The following MYLK variants were observed in gnomAD, a reference collection of about 807,000 sequenced individuals.
The protein encoded by MYLK is myosin light chain kinase.
In MYLK, 106 loss-of-function variants were observed where a neutral mutation model predicts 203.4. The observed-to-expected ratio is 0.52, with a 90% CI of 0.45 to 0.61. The LOEUF (loss-of-function observed/expected upper bound fraction) is 0.61. MYLK is among the 20% of genes least tolerant of loss of function. MYLK has a pLI of 0.00. For synonymous variants in MYLK, 867 were observed against 959.5 expected, an observed-to-expected ratio of 0.90 and a Z score of 1.78; for missense variants, 2,072 against 2,442.3, an observed-to-expected ratio of 0.85 and a Z score of 3.20.
intron 3 of MYLK, among the ~76,000 whole-genome samples, chr3:123,827,746 TATAA>T (rs1382126076): frequency 2.7e-5 from 2 of 74,580 alleles, no homozygotes; most frequent in Admixed American, 2.8e-4. Context: ...TATATATATA[TATAA>T]AGACTCTACC....
intron 19 of MYLK, among the ~76,000 whole-genome samples, chr3:123,683,276 G>C (rs869269): frequency 0.087 from 12,141 of 140,136 alleles, 1,545 homozygotes; most frequent in African/African-American, 0.28. Context: ...CCTGAGGAGA[G>C]GAAGCTAAGT....
chr3:123,757,630 G>A (rs1306107242), intron 4 of MYLK, among the ~76,000 whole-genome samples: 1 of 152,200 alleles, frequency 6.6e-6, no homozygotes, highest in Non-Finnish European at 1.5e-5. Flanking sequence ...GAAGATATGA[G>A]CAGTGAGCTG....
chr3:123,823,963 TTTTA>T (rs1331617815), intron 3 of MYLK, among the ~76,000 whole-genome samples: 1 of 152,212 alleles, frequency 6.6e-6, no homozygotes, highest in African/African-American at 2.4e-5. Context: ...CCCTCCTTTA[TTTTA>T]TTGTTTTCTG....
intron 4 of MYLK, among the ~76,000 whole-genome samples, chr3:123,778,614 C>T (rs551759428): frequency 6.6e-6 from 1 of 152,244 alleles, no homozygotes; most frequent in African/African-American, 2.4e-5. Context: ...TTGTCAGACC[C>T]GCCACCCTCA....
chr3:123,711,090 C>CA (rs1281596256), intron 13 of MYLK, among the ~76,000 whole-genome samples: 1,648 of 134,492 alleles, frequency 0.012, 24 homozygotes, highest in African/African-American at 0.032. Context: ...GATTCTGTCT[C>CA]AAAAAAAAAA....
chr3:123,733,031 T>A lies in MYLK; in HGVS notation c.1381A>T (p.Ile461Phe), dbSNP rs369105428. The change falls in exon 11 of 34, where the codon ATT becomes TTT. Residue 461 changes from isoleucine (I) to phenylalanine (F), a missense_variant. This residue lies in a region of MYLK where 683 missense variants were observed against 643.8 expected (regional missense o/e 1.06). Coordinates refer to ENST00000360304, the MANE Select transcript of MYLK (RefSeq NM_053025.4). ...GAGCCAGCATCTTCATAAACCTCAA[T>A]GCTGCCTTCCTGTCTCCTCACGGGG... is the stretch of plus-strand genomic sequence containing the variant. ...GTPVRRQEGSIEVYEDAGSHY... is the reference protein window; with the variant it reads ...GTPVRRQEGSFEVYEDAGSHY... 1 of 1,614,046 alleles carries A rather than the reference T, an allele frequency of 6.2e-7. No individual in the cohort carries two copies. The highest frequency in any genetic ancestry group is 8.5e-7 in the Non-Finnish European group (1 of 1,180,022).
intron 2 of MYLK, among the ~76,000 whole-genome samples, chr3:123,846,446 T>C (rs531257139): frequency 5.9e-5 from 9 of 152,344 alleles, no homozygotes; most frequent in Admixed American, 3.3e-4. Context: ...TACTGCTATA[T>C]ATAGTATGCA....
intron 3 of MYLK, among the ~76,000 whole-genome samples, chr3:123,827,710 T>G (rs2066171571): frequency 1.6e-5 from 1 of 61,310 alleles, no homozygotes; most frequent in African/African-American, 7.8e-5. Context: ...TATATATATA[T>G]ATATATATAT....
intron 25 of MYLK, 33 bp from the exon 26 acceptor site, chr3:123,649,097 T>A (rs772918744): frequency 1.2e-6 from 2 of 1,613,988 alleles, no homozygotes; most frequent in East Asian, 4.5e-5. Flanking sequence ...GGTGTGAGTC[T>A]CAGATGCCCC....
chr3:123,763,151 C>T (rs2063588689), intron 4 of MYLK, among the ~76,000 whole-genome samples: 1 of 152,142 alleles, frequency 6.6e-6, no homozygotes, highest in Non-Finnish European at 1.5e-5. Context: ...TTTTATTTTT[C>T]CTGGAGTTAA....
At chr3:123,768,573 A>G (rs1013097789) in intron 4 of MYLK, among the ~76,000 whole-genome samples, 1 of 152,172 alleles carries the variant, frequency 6.6e-6, no homozygotes, top group Non-Finnish European at 1.5e-5. Context: ...CTCTAAATAC[A>G]CCTAGAGATT....
chr3:123,672,915 T>TCCCTC (rs1467796035), intron 20 of MYLK, among the ~76,000 whole-genome samples: 3 of 152,188 alleles, frequency 2.0e-5, no homozygotes, highest in African/African-American at 7.2e-5. Context: ...AGCATTTCAC[T>TCCCTC]TGGTTCTCAT....
At chr3:123,867,366 G>A (rs2032401491) in intron 2 of MYLK, among the ~76,000 whole-genome samples, 1 of 150,834 alleles carries the variant, frequency 6.6e-6, no homozygotes, top group Admixed American at 6.6e-5. Flanking sequence ...GATATAATCA[G>A]GTTAAGATGA....
chr3:123,880,920 A>C (rs982148234), intron 1 of MYLK, among the ~76,000 whole-genome samples: 5 of 151,974 alleles, frequency 3.3e-5, no homozygotes, highest in South Asian at 2.1e-4. Context: ...GGAGGGATGC[A>C]CCTGTTGGCC....
intron 4 of MYLK, among the ~76,000 whole-genome samples, chr3:123,769,733 G>A (rs1440272478): frequency 6.6e-6 from 1 of 152,136 alleles, no homozygotes; most frequent in Non-Finnish European, 1.5e-5. Flanking sequence ...AACTGTCTGT[G>A]GAAAGAGCTA....
intron 31 of MYLK, chr3:123,621,184 T>A (rs986717584): frequency 1.3e-5 from 2 of 152,180 alleles, no homozygotes; most frequent in Admixed American, 1.3e-4. Flanking sequence ...AAGCATAGGA[T>A]CCCTAATAAT....
chr3:123,720,781 C>A (rs1043353565), intron 13 of MYLK, among the ~76,000 whole-genome samples: 3 of 152,216 alleles, frequency 2.0e-5, no homozygotes, highest in Non-Finnish European at 2.9e-5. Flanking sequence ...TCACTCCCGG[C>A]AGAGAGCTTC....
At chr3:123,618,566 A>G in intron 33 of MYLK, 73 bp downstream of exon 33, 3 of 1,600,736 alleles carry the variant, frequency 1.9e-6, no homozygotes, top group Non-Finnish European at 2.6e-6. Context: ...CTTCTTGCCC[A>G]CGGTGCATGG....
Position 123,708,813 on chromosome 3 carries a change from T to A in MYLK, c.2025A>T (p.Gly675=). 3 of 1,613,946 alleles carry A rather than the reference T, an allele frequency of 1.9e-6. No individual in the cohort carries two copies. Among genetic ancestry groups the A allele is most frequent in the East Asian group, 2.2e-5 (1 of 44,866 alleles). The change falls in exon 15 of 34, where the codon GGA becomes GGT. Residue 675 remains glycine, a synonymous_variant. Coordinates refer to ENST00000360304, the MANE Select transcript of MYLK (RefSeq NM_053025.4). ...ESEDFHFEQR[G]TQHSLCIQEV... ...CCTGGATACAAAGGCTGTGCTGAGT[T>A]CCTCTCTGTTCAAAGTGGAAGTCCT...
Sources: gnomAD v4.1 joint callset for allele counts (sites outside exome capture counted in the v4.1 genomes callset) on GRCh38, gnomAD v4.1.1 for gene constraint, gnomAD v4.1.1 regional missense constraint, MANE v1.5 for transcripts, NCBI Gene and HGNC (gene_info 2026-07-23, HGNC 2026-07-21) for gene names.